Variants in ITFG2 observed in about 807,000 individuals in gnomAD.
ITFG2 encodes integrin alpha FG-GAP repeat containing 2.
In ITFG2, 36 loss-of-function variants were observed where a neutral mutation model predicts 54.4. The observed-to-expected ratio is 0.66, with a 90% CI of 0.51 to 0.87. The LOEUF (loss-of-function observed/expected upper bound fraction) is 0.87, where lower values mean the gene tolerates loss of function less well. Among genes scored for constraint, ITFG2 ranks in the 40% least tolerant of loss-of-function variants. The pLI is 0.00. For synonymous variants in ITFG2, 211 were observed against 225.4 expected (o/e 0.94, Z 0.57); for missense variants, 524 against 576.7 (o/e 0.91, Z 0.94).
chr12:2,842,946 C>G (rs1262930079), intron 2 of ITFG2, among the ~76,000 whole-genome samples: 2 of 151,974 alleles, frequency 1.3e-5, no homozygotes, highest in African/African-American at 4.8e-5. Context: ...GAACTGTATC[C>G]CACCTTCCTT....
At chr12:2,841,232 TCA>T (rs1181794280) in intron 2 of ITFG2, among the ~76,000 whole-genome samples, 2 of 152,246 alleles carry the variant, frequency 1.3e-5, no homozygotes, top group East Asian at 1.9e-4. Flanking sequence ...CGCTGCTCAG[TCA>T]CCCTGGCATA....
At position 2,818,086 on chromosome 12, in the gene ITFG2, T is replaced by C. The variant is rs778216834; in HGVS notation, c.235-20T>C. 1 of 1,613,384 alleles carries C rather than the reference T, an allele frequency of 6.2e-7. No homozygotes were observed. The highest frequency in any genetic ancestry group is 8.5e-7 in the Non-Finnish European group (1 of 1,179,316). On this transcript the variant is annotated intron_variant, in intron 3 of 11. Coordinates refer to ENST00000228799, the MANE Select transcript of ITFG2 (RefSeq NM_018463.4). ...AACTCCCTCCCCAGTCCATCTCTAC[T>C]ATACCTCTGTTTGTCCTAGAACCTG...
At chr12:2,827,501 G>A (rs1375242263), downstream of ITFG2, 2 of 1,559,756 alleles carry the variant, frequency 1.3e-6, no homozygotes, top group East Asian at 2.2e-5. The surrounding 1 kb of genome is among the most constrained non-coding windows in gnomAD (Gnocchi z 4.0). Flanking sequence ...GAACCTCTAA[G>A]GAAGCAAAGG....
chr12:2,821,581 C>T lies in ITFG2; in HGVS notation c.832C>T (p.Leu278=). 1.2e-6 allele frequency: 2 copies of T among 1,614,214 alleles called. No homozygotes were observed. The highest frequency in any genetic ancestry group is 1.1e-5 in the South Asian group (1 of 91,080). ...GAGTAGTGGCTCTGGCCTCTTTGCC[C>T]TGTGCACCCTGGATGGTGAGCAATG... ...TESSGSGLFA[L]CTLDGTLKLM... The change falls in exon 8 of 12, where the codon CTG becomes TTG. Residue 278 remains leucine, a synonymous_variant. Coordinates refer to ENST00000228799, the MANE Select transcript of ITFG2 (RefSeq NM_018463.4).
chr12:2,841,623 C>T (rs970774784), intron 2 of ITFG2, among the ~76,000 whole-genome samples: 1 of 152,178 alleles, frequency 6.6e-6, no homozygotes, highest in Non-Finnish European at 1.5e-5. Context: ...AGATATGCTG[C>T]AAGTTAAACC....
intron 2 of ITFG2, chr12:2,848,955 T>C: frequency 2.4e-6 from 1 of 422,330 alleles, no homozygotes; most frequent in Non-Finnish European, 4.3e-6. Flanking sequence ...CTGGAGCCCC[T>C]CCCTGTTCTC....
At chr12:2,827,383 TC>T (rs1025402179), downstream of ITFG2, 51 of 1,532,612 alleles carry the variant, frequency 3.3e-5, no homozygotes, top group Middle Eastern at 4.2e-4. The surrounding 1 kb of genome is among the most constrained non-coding windows in gnomAD (Gnocchi z 4.0). Context: ...CCCTCCCACT[TC>T]CCACAGCTTC....
chr12:2,849,429 G>C, intron 2 of ITFG2: 1 of 1,536,176 alleles, frequency 6.5e-7, no homozygotes, highest in Non-Finnish European at 8.7e-7. Context: ...GAGGGTTTGG[G>C]CAGGGCCAGC....
At chr12:2,828,511 G>T, downstream of ITFG2, 3 of 914,736 alleles carry the variant, frequency 3.3e-6, no homozygotes, top group Non-Finnish European at 5.3e-6. Context: ...TTCCCTCCTA[G>T]AAATGAGTGG....
chr12:2,824,412 T>A lies in ITFG2; in HGVS notation c.*219T>A. 1 of 610,762 alleles carries A rather than the reference T, an allele frequency of 1.6e-6. No individual in the cohort carries two copies. The highest frequency in any genetic ancestry group is 3.0e-6 in the Non-Finnish European group (1 of 331,608). The allele number at this position is 610,762 out of a possible 1,614,324, so 37.8% of individuals were successfully genotyped here. On this transcript the variant is annotated 3_prime_UTR_variant, in exon 12 of 12. Coordinates refer to ENST00000228799, the MANE Select transcript of ITFG2 (RefSeq NM_018463.4). The stretch of plus-strand genomic sequence containing the variant: ...CAAGTTGACCCTCTGCCCATTTCCT[T>A]ATGGACCTCACCCATCATGCCAGCA...
chr12:2,851,477 G>T (rs530914494), intron 2 of ITFG2, among the ~76,000 whole-genome samples: 56 of 151,952 alleles, frequency 3.7e-4, no homozygotes, highest in Non-Finnish European at 7.2e-4. Context: ...CGAGTAGCTG[G>T]GATTACAGGG....
downstream of ITFG2, among the ~76,000 whole-genome samples, chr12:2,828,964 T>C (rs1313291648): frequency 6.6e-6 from 1 of 151,964 alleles, no homozygotes; most frequent in Admixed American, 6.6e-5. Context: ...TCTAGCACTT[T>C]GGAGGCAAGA....
intron 3 of ITFG2, chr12:2,859,048 G>T (rs2098101151): frequency 1.2e-6 from 2 of 1,609,056 alleles, no homozygotes; most frequent in East Asian, 4.5e-5. Flanking sequence ...TTGGCTGGGG[G>T]CGTGAGCCTC....
intron 9 of ITFG2, among the ~76,000 whole-genome samples, chr12:2,822,240 G>T (rs971177816): frequency 6.6e-6 from 1 of 152,128 alleles, no homozygotes; most frequent in African/African-American, 2.4e-5. Flanking sequence ...CTTTAGATAG[G>T]TCTAAATCCA....
At chr12:2,829,727 A>G (rs895184121), downstream of ITFG2, among the ~76,000 whole-genome samples, 1 of 152,082 alleles carries the variant, frequency 6.6e-6, no homozygotes, top group African/African-American at 2.4e-5. Flanking sequence ...TGATCATGCC[A>G]CTACACTCCA....
chr12:2,828,766 C>T (rs926482170), downstream of ITFG2, among the ~76,000 whole-genome samples: 4 of 152,038 alleles, frequency 2.6e-5, no homozygotes, highest in Non-Finnish European at 5.9e-5. Flanking sequence ...CGCTTGAACC[C>T]GAGAGGCGGA....
downstream of ITFG2, chr12:2,826,318 T>C (rs2097966700): frequency 6.6e-6 from 1 of 152,014 alleles, no homozygotes; most frequent in Non-Finnish European, 1.5e-5. Flanking sequence ...GAGATGGGGA[T>C]AGGAAGAAGG....
chr12:2,829,589 C>T (rs921623436), downstream of ITFG2, among the ~76,000 whole-genome samples: 2 of 151,766 alleles, frequency 1.3e-5, no homozygotes, highest in Non-Finnish European at 2.9e-5. Context: ...GCCTGACCAA[C>T]GTGGTAGTCT....
At chr12:2,841,649 A>G (rs2098041294) in intron 2 of ITFG2, among the ~76,000 whole-genome samples, 1 of 152,202 alleles carries the variant, frequency 6.6e-6, no homozygotes. Flanking sequence ...CTGGATTTTG[A>G]AAACAATACA....
Sources: allele counts gnomAD v4.1 joint callset (sites outside exome capture counted in the v4.1 genomes callset), GRCh38; gene constraint gnomAD v4.1.1; non-coding constraint Gnocchi (gnomAD v3.1); transcripts MANE v1.5; gene names NCBI Gene and HGNC (gene_info 2026-07-23, HGNC 2026-07-21).